Variants in UNC5B observed in about 807,000 individuals in gnomAD.
UNC5B encodes the protein netrin receptor UNC5B.
In UNC5B, 56 loss-of-function variants were observed where a neutral mutation model predicts 103.7. The observed-to-expected ratio is 0.54, with a 90% CI of 0.44 to 0.67. UNC5B has a LOEUF of 0.67. Among genes scored for constraint, UNC5B ranks in the 30% least tolerant of loss-of-function variants. The probability of loss-of-function intolerance (pLI) is 0.00; values close to 1 mark genes in which losing one functional copy is unlikely to be tolerated. For missense variants in UNC5B, 1,194 were observed against 1,284.5 expected (o/e 0.93, Z 1.08); for synonymous variants, 577 against 542.0 (o/e 1.06, Z -0.90).
At chr10:71,224,515 T>C (rs1489386580) in intron 1 of UNC5B, among the ~76,000 whole-genome samples, 1 of 152,224 alleles carries the variant, frequency 6.6e-6, no homozygotes, top group Non-Finnish European at 1.5e-5. Context: ...ATCCTAGCCA[T>C]GTAGCTAATC....
chr10:71,244,598 C>G (rs1589161621), intron 1 of UNC5B, among the ~76,000 whole-genome samples: 1 of 152,160 alleles, frequency 6.6e-6, no homozygotes, highest in Non-Finnish European at 1.5e-5. Flanking sequence ...AGCCGGGGAG[C>G]AGGTGGAAGG....
At chr10:71,241,122 C>G (rs1185754562) in intron 1 of UNC5B, among the ~76,000 whole-genome samples, 1 of 152,200 alleles carries the variant, frequency 6.6e-6, no homozygotes, top group Non-Finnish European at 1.5e-5. Flanking sequence ...AACTAGGCCC[C>G]CATTTTACAG....
chr10:71,237,595 G>A (rs1406493734), intron 1 of UNC5B, among the ~76,000 whole-genome samples: 1 of 152,186 alleles, frequency 6.6e-6, no homozygotes, highest in Non-Finnish European at 1.5e-5. Context: ...CACAAAGCTG[G>A]CAATCCTGAG....
intron 1 of UNC5B, among the ~76,000 whole-genome samples, chr10:71,241,820 G>C (rs934086272): frequency 6.6e-6 from 1 of 152,100 alleles, no homozygotes; most frequent in Non-Finnish European, 1.5e-5. Context: ...GGCCATTAGA[G>C]TGGGTGAAGG....
intron 8 of UNC5B, among the ~76,000 whole-genome samples, chr10:71,289,347 T>A (rs987803843): frequency 2.0e-5 from 3 of 152,210 alleles, no homozygotes; most frequent in African/African-American, 7.2e-5. Context: ...CTTAACCATA[T>A]GCCCTTGGCC....
At chr10:71,256,831 C>T (rs1844301687) in intron 1 of UNC5B, among the ~76,000 whole-genome samples, 1 of 152,242 alleles carries the variant, frequency 6.6e-6, no homozygotes, top group African/African-American at 2.4e-5. Flanking sequence ...GGGTCAGGGA[C>T]TTGTCCAGGG....
chr10:71,283,361 G>C (rs1185922583), intron 2 of UNC5B, among the ~76,000 whole-genome samples: 1 of 152,210 alleles, frequency 6.6e-6, no homozygotes, highest in East Asian at 1.9e-4. Flanking sequence ...ACCATAACTT[G>C]TCTAGAGTTT....
intron 1 of UNC5B, among the ~76,000 whole-genome samples, chr10:71,271,280 G>A (rs563315435): frequency 1.3e-5 from 2 of 152,354 alleles, no homozygotes; most frequent in South Asian, 4.1e-4. Context: ...CAGCTTCGCA[G>A]GGTCATTGTG....
chr10:71,267,981 A>G (rs1472052833), intron 1 of UNC5B, among the ~76,000 whole-genome samples: 1 of 152,164 alleles, frequency 6.6e-6, no homozygotes, highest in Non-Finnish European at 1.5e-5. Context: ...GGTCCCCAGG[A>G]TGTTCCTGGG....
intron 1 of UNC5B, among the ~76,000 whole-genome samples, chr10:71,261,203 C>T (rs958285772): frequency 6.6e-6 from 1 of 152,156 alleles, no homozygotes; most frequent in Non-Finnish European, 1.5e-5. Context: ...CTGTTTTTCC[C>T]TTGGGTTGAG....
In UNC5B at chr10:71,291,519, A is replaced by C; in HGVS notation, c.1382A>C (p.Asp461Ala). 1.2e-6 allele frequency: 2 copies of C among 1,613,358 alleles called. No individual in the cohort carries two copies. The highest frequency in any genetic ancestry group is 8.5e-7 in the Non-Finnish European group (1 of 1,179,852). Residue 461 changes from aspartate to alanine, a missense_variant, in exon 10 of 17, where the codon GAC (aspartate) becomes GCC (alanine). Asp to Ala is a moderately radical substitution (Grantham distance 126). Transcript: ENST00000335350. The stretch of plus-strand genomic sequence containing the variant: ...CGCGGACCCGTGTATGCCCTGCAGG[A>C]CTCCACCGACAAAATCCCCATGACC... ...IYRGPVYALQ[D>A]STDKIPMTNS...
intron 1 of UNC5B, among the ~76,000 whole-genome samples, chr10:71,250,959 C>T (rs1362371432): frequency 2.6e-5 from 4 of 152,192 alleles, no homozygotes; most frequent in Non-Finnish European, 5.9e-5. Flanking sequence ...TAGGTCTCCT[C>T]TTGCTACCAA....
intron 1 of UNC5B, among the ~76,000 whole-genome samples, chr10:71,240,234 T>C (rs531430439): frequency 4.6e-5 from 7 of 152,388 alleles, no homozygotes; most frequent in Admixed American, 1.3e-4. Context: ...TGCTGCATTT[T>C]TTTGGATGAC....
chr10:71,285,279 G>T, intron 3 of UNC5B, 47 bp from the exon 4 acceptor site: 1 of 1,556,000 alleles, frequency 6.4e-7, no homozygotes. Flanking sequence ...ATCAGGTTCT[G>T]ATCCTGCCCG....
intron 9 of UNC5B, 58 bp from the exon 10 acceptor site, chr10:71,291,374 G>C (rs1845249857): frequency 2.0e-6 from 3 of 1,531,936 alleles, no homozygotes; most frequent in Non-Finnish European, 2.6e-6. Context: ...TTTGCAGTGG[G>C]AGCTGGGCCA....
chr10:71,232,396 G>A (rs1308469945), intron 1 of UNC5B, among the ~76,000 whole-genome samples: 1 of 152,266 alleles, frequency 6.6e-6, no homozygotes, highest in Non-Finnish European at 1.5e-5. Flanking sequence ...GTGGAGGAGA[G>A]CCGATTGCAG....
chr10:71,283,298 C>A (rs1246198916), intron 2 of UNC5B, among the ~76,000 whole-genome samples: 27 of 152,342 alleles, frequency 1.8e-4, no homozygotes, highest in Admixed American at 1.7e-3. Context: ...TCCAGATGAC[C>A]TGCCAGAGTA....
chr10:71,291,007 G>A lies in UNC5B; in HGVS notation c.1192G>A (p.Val398Met), dbSNP rs766852918. The A allele has an allele frequency of 1.7e-5, 27 of 1,613,876 alleles. No homozygotes were observed. Among genetic ancestry groups the A allele is most frequent in the Non-Finnish European group, 2.1e-5 (25 of 1,179,992 alleles). Reference protein sequence around the residue: ...VAILMAVGVVVYRRNCRDFDT... With the variant: ...VAILMAVGVVMYRRNCRDFDT... ...AATCCTCATGGCGGTGGGGGTGGTG[G>A]TGTACCGCCGCAACTGCCGTGACTT... The change falls in exon 9 of 17, where the codon GTG (valine) becomes ATG (methionine). Residue 398 changes from valine to methionine, a missense_variant. Coordinates refer to ENST00000335350, the MANE Select transcript of UNC5B (RefSeq NM_170744.5).
At chr10:71,270,311 A>G (rs1441009865) in intron 1 of UNC5B, among the ~76,000 whole-genome samples, 1 of 137,836 alleles carries the variant, frequency 7.3e-6, no homozygotes, top group Non-Finnish European at 1.5e-5. Context: ...GCTGCACTCC[A>G]GCCTGGGTGA....
Sources: gnomAD v4.1 joint callset for allele counts (sites outside exome capture counted in the v4.1 genomes callset) on GRCh38, gnomAD v4.1.1 for gene constraint, MANE v1.5 for transcripts, NCBI Gene and HGNC (gene_info 2026-07-23, HGNC 2026-07-21) for gene names.